The following PPA2 variants were observed in gnomAD, a reference collection of about 807,000 sequenced individuals.
PPA2 encodes the protein inorganic pyrophosphatase 2, mitochondrial.
In PPA2, 48 loss-of-function variants were observed where a neutral mutation model predicts 49.5. The observed-to-expected ratio is 0.97, with a 90% CI of 0.77 to 1.23. The LOEUF (loss-of-function observed/expected upper bound fraction) is 1.23, where lower values mean the gene tolerates loss of function less well. Ranked by LOEUF, PPA2 falls within the 50% of genes most tolerant of loss-of-function variation. The probability of loss-of-function intolerance (pLI) is 0.00; values close to 1 mark genes in which losing one functional copy is unlikely to be tolerated. For synonymous variants in PPA2, 131 were observed against 139.9 expected (o/e 0.94, Z 0.45); for missense variants, 429 against 410.1 (o/e 1.05, Z -0.40).
At chr4:105,387,747 A>G (rs186621392) in intron 9 of PPA2, among the ~76,000 whole-genome samples, 2 of 150,084 alleles carry the variant, frequency 1.3e-5, no homozygotes, top group East Asian at 2.0e-4. Context: ...CATCCTGCAC[A>G]TGTACCCCTG....
At chr4:105,452,631 G>C (rs1560638377) in intron 3 of PPA2, among the ~76,000 whole-genome samples, 1 of 152,174 alleles carries the variant, frequency 6.6e-6, no homozygotes, top group African/African-American at 2.4e-5. Context: ...AGGTATGTTT[G>C]GAAGTAGATT....
chr4:105,411,797 C>T (rs1168744205), intron 7 of PPA2, among the ~76,000 whole-genome samples: 2 of 152,154 alleles, frequency 1.3e-5, no homozygotes, highest in African/African-American at 2.4e-5. Flanking sequence ...ACACCAATAA[C>T]AGACAAACAG....
chr4:105,400,241 AT>A (rs1734307812), intron 7 of PPA2, among the ~76,000 whole-genome samples: 1 of 152,104 alleles, frequency 6.6e-6, no homozygotes, highest in African/African-American at 2.4e-5. Context: ...GCAAAAATTA[AT>A]TAATATTGAG....
Position 105,473,944 on chromosome 4 carries a change from T to C in PPA2, c.107A>G (p.His36Arg). 3 of 1,612,346 alleles carry C rather than the reference T, an allele frequency of 1.9e-6. No individual in the cohort carries two copies. The highest frequency in any genetic ancestry group is 2.5e-6 in the Non-Finnish European group (3 of 1,179,372). The change falls in exon 1 of 12, where the codon CAC becomes CGC. Residue 36 changes from histidine (H) to arginine (R), a missense_variant. Transcript: ENST00000341695. ...TGSRRAMALY[H>R]TEERGQPCSQ... ...GCAGGGCTGGCCGCGCTCCTCAGTG[T>C]GGTACAGGGCCATAGCACGGCGCGA...
At chr4:105,463,082 G>C (rs775546259) in intron 1 of PPA2, among the ~76,000 whole-genome samples, 3 of 152,202 alleles carry the variant, frequency 2.0e-5, no homozygotes, top group Non-Finnish European at 4.4e-5. Flanking sequence ...AACAGGCAGA[G>C]TTTGGAACAG....
intron 6 of PPA2, among the ~76,000 whole-genome samples, chr4:105,432,414 G>C (rs1246225987): frequency 6.6e-6 from 1 of 152,202 alleles, no homozygotes; most frequent in Non-Finnish European, 1.5e-5. Flanking sequence ...TTGCAATGCA[G>C]CTGATTTAAA....
At chr4:105,422,975 T>C (rs997103505) in intron 7 of PPA2, among the ~76,000 whole-genome samples, 3 of 152,198 alleles carry the variant, frequency 2.0e-5, no homozygotes, top group Admixed American at 6.5e-5. Context: ...GTGGGACTAT[T>C]ACCTTATCAA....
At chr4:105,399,851 G>A (rs2110395671) in intron 7 of PPA2, among the ~76,000 whole-genome samples, 1 of 152,258 alleles carries the variant, frequency 6.6e-6, no homozygotes, top group African/African-American at 2.4e-5. Context: ...AATATTAAAT[G>A]GAAAATTCCA....
intron 7 of PPA2, among the ~76,000 whole-genome samples, chr4:105,414,553 G>A (rs569850737): frequency 6.6e-6 from 1 of 152,192 alleles, no homozygotes; most frequent in Non-Finnish European, 1.5e-5. Flanking sequence ...GGCAAACCCC[G>A]CAAGTGGCTT....
chr4:105,425,599 G>T (rs1481625659), intron 6 of PPA2, among the ~76,000 whole-genome samples: 1 of 151,998 alleles, frequency 6.6e-6, no homozygotes, highest in African/African-American at 2.4e-5. Flanking sequence ...TCTATCTCAT[G>T]TATAAATGGA....
intron 10 of PPA2, among the ~76,000 whole-genome samples, chr4:105,375,836 C>T (rs956976631): frequency 3.0e-4 from 45 of 152,220 alleles, no homozygotes; most frequent in African/African-American, 1.9e-4. Context: ...AAGTCCTATC[C>T]GAGAACATGA....
chr4:105,451,437 C>T (rs950256887), intron 3 of PPA2, among the ~76,000 whole-genome samples: 3 of 152,190 alleles, frequency 2.0e-5, no homozygotes, highest in African/African-American at 7.2e-5. Flanking sequence ...AATAGCTGCT[C>T]CTTAGAAGTA....
intron 7 of PPA2, among the ~76,000 whole-genome samples, chr4:105,410,950 C>T (rs1272260457): frequency 6.6e-6 from 1 of 152,216 alleles, no homozygotes; most frequent in Non-Finnish European, 1.5e-5. Context: ...GTACCAGCCA[C>T]TGCAAAAACA....
intron 1 of PPA2, among the ~76,000 whole-genome samples, chr4:105,464,882 C>T (rs144791376): frequency 6.6e-6 from 1 of 152,296 alleles, no homozygotes; most frequent in East Asian, 1.9e-4. Flanking sequence ...CAAACTAATA[C>T]AAATATACAG....
chr4:105,411,813 C>T (rs1722771998), intron 7 of PPA2, among the ~76,000 whole-genome samples: 1 of 152,062 alleles, frequency 6.6e-6, no homozygotes, highest in Non-Finnish European at 1.5e-5. Context: ...AACAGAGAGC[C>T]AAATCATGAG....
chr4:105,458,804 C>A (rs1437306436), intron 1 of PPA2, among the ~76,000 whole-genome samples: 3 of 105,140 alleles, frequency 2.9e-5, no homozygotes, highest in Admixed American at 3.0e-4. Flanking sequence ...CCTGGCGACA[C>A]AAGACTCCAC....
intron 7 of PPA2, chr4:105,405,895 G>C: frequency 2.2e-6 from 1 of 454,078 alleles, no homozygotes; most frequent in Non-Finnish European, 4.4e-6. Context: ...CTCCTGTCAA[G>C]TGAAGGCAGG....
At chr4:105,445,157 T>C (rs1313639823) in intron 5 of PPA2, among the ~76,000 whole-genome samples, 1 of 152,170 alleles carries the variant, frequency 6.6e-6, no homozygotes, top group Admixed American at 6.5e-5. Context: ...AAGAAATAAA[T>C]ACATGCACCT....
intron 7 of PPA2, chr4:105,405,407 T>G (rs1305124534): frequency 1.3e-6 from 1 of 795,538 alleles, no homozygotes; most frequent in East Asian, 1.3e-4. Context: ...CGTTTACTTT[T>G]ATCTCTAATA....
Sources: allele counts gnomAD v4.1 joint callset (sites outside exome capture counted in the v4.1 genomes callset), GRCh38; gene constraint gnomAD v4.1.1; transcripts MANE v1.5; gene names NCBI Gene and HGNC (gene_info 2026-07-23, HGNC 2026-07-21).